The following CZIB variants were observed in gnomAD, a reference collection of about 807,000 sequenced individuals.
CZIB encodes the protein CXXC motif containing zinc binding protein.
A neutral mutation model predicts 28.3 loss-of-function variants in CZIB; 26 were observed. That is an observed-to-expected ratio of 0.92 (90% CI 0.67 to 1.27). CZIB has a LOEUF of 1.27. Among genes scored for constraint, CZIB ranks in the 50% most tolerant of loss-of-function variants. The pLI is 0.00. For synonymous variants in CZIB, 78 were observed against 71.1 expected, an observed-to-expected ratio of 1.10 and a Z score of -0.49; for missense variants, 179 against 197.3, an observed-to-expected ratio of 0.91 and a Z score of 0.56.
chr1:53,214,951 C>T (rs1324142468), intron 7 of CZIB, among the ~76,000 whole-genome samples: 3 of 152,112 alleles, frequency 2.0e-5, no homozygotes, highest in African/African-American at 7.2e-5. Flanking sequence ...GTCCCTTCTC[C>T]GAGTCCTGTC....
rs1324797933 is a variant in CZIB at position 53,216,005 on chromosome 1, T to G, written c.391A>C (p.Asn131His). 3.1e-6 allele frequency: 5 copies of G among 1,613,948 alleles called. No homozygotes were observed. In the African/African-American group the frequency reaches 6.7e-5, roughly 22 times the overall value. Reference protein sequence around the residue: ...VESGTAFSDINLQEKDWTDYD... With the variant: ...VESGTAFSDIHLQEKDWTDYD... ...AAGTCTCATACCTTCTCCTGCAGAT[T>G]AATGTCACTGAAGGCTGTCCCTGAC... Residue 131 changes from asparagine to histidine, a missense_variant, in exon 7 of 8, where the codon AAT (asparagine) becomes CAT (histidine). Physicochemically the swap from Asn to His is moderately conservative, Grantham distance 68 (BLOSUM62 1). Coordinates refer to ENST00000294360, the MANE Select transcript of CZIB (RefSeq NM_017887.3).
At chr1:53,216,945 C>G in intron 5 of CZIB, 86 bp from the exon 6 acceptor site, 12 of 1,150,854 alleles carry the variant, frequency 1.0e-5, no homozygotes, top group African/African-American at 1.5e-5. Flanking sequence ...CAAATGGGCA[C>G]TTACTGCCCC....
intron 6 of CZIB, 48 bp downstream of exon 6, chr1:53,216,730 TCATA>T (rs1176812687): frequency 3.3e-6 from 5 of 1,523,668 alleles, no homozygotes; most frequent in Non-Finnish European, 4.6e-6. Flanking sequence ...GGCTGTCACT[TCATA>T]CATCCCCTCC....
chr1:53,217,146 TA>T, intron 5 of CZIB: 1 of 354,356 alleles, frequency 2.8e-6, no homozygotes, highest in Admixed American at 4.3e-5. Flanking sequence ...CCAAGATTCC[TA>T]AACTGTCAAA....
rs775591198 is a variant in CZIB, at chr1:53,220,291, G to A, written c.60C>T (p.Pro20=). The A allele has an allele frequency of 6.8e-6, 11 of 1,613,442 alleles. No homozygotes were observed. The highest frequency in any genetic ancestry group is 1.3e-5 in the African/African-American group (1 of 74,908). Residue 20 remains proline, a synonymous_variant, in exon 2 of 8, where the codon CCC becomes CCT. Transcript: ENST00000294360. ...GGTACCACCGGAAGTCCTCGCCCACGGGCCGGAGGTTGGTGATGTTCTCCA... is the reference window on the plus strand; with the variant it reads ...GGTACCACCGGAAGTCCTCGCCCACAGGCCGGAGGTTGGTGATGTTCTCCA... The part of the protein sequence containing the change: ...ATLENITNLR[P]VGEDFRWYLK...
intron 6 of CZIB, among the ~76,000 whole-genome samples, 161 bp from the exon 7 acceptor site, chr1:53,216,217 C>T (rs189390940): frequency 3.2e-3 from 485 of 152,282 alleles, no homozygotes; most frequent in African/African-American, 0.011. Context: ...TTCCAGGACC[C>T]GGCAGCTGCC....
chr1:53,218,070 A>G, intron 5 of CZIB, 102 bp downstream of exon 5: 1 of 1,229,858 alleles, frequency 8.1e-7, no homozygotes, highest in Non-Finnish European at 1.2e-6. Context: ...TGAATGTCCT[A>G]TGGCAGGTCA....
Position 53,220,314 on chromosome 1 carries a change from C to T in CZIB, c.37G>A (p.Glu13Lys). The T allele has an allele frequency of 1.2e-6, 2 of 1,613,600 alleles. No individual in the cohort carries two copies. Among genetic ancestry groups the T allele is most frequent in the Admixed American group, 3.3e-5 (2 of 60,032 alleles). ...ACGGGCCGGAGGTTGGTGATGTTCT[C>T]CAGCGTGGCTTTGAGTTGCAGCGCG... ...KIALQLKATL[E>K]NITNLRPVGE... The change falls in exon 2 of 8, where the codon GAG (glutamate) becomes AAG (lysine). Residue 13 changes from glutamate to lysine, a missense_variant. By Grantham distance (56) the Glu-to-Lys change is moderately conservative (BLOSUM62 1). Transcript: ENST00000294360.
intron 6 of CZIB, among the ~76,000 whole-genome samples, chr1:53,216,362 T>C (rs115668369): frequency 2.2e-3 from 341 of 152,334 alleles, no homozygotes; most frequent in African/African-American, 7.8e-3. Flanking sequence ...ACCTTAGTTA[T>C]TGATAAAACG....
intron 1 of CZIB, 48 bp downstream of exon 1, chr1:53,220,522 C>T (rs1439903741): frequency 6.2e-7 from 1 of 1,600,258 alleles, no homozygotes; most frequent in Non-Finnish European, 8.5e-7. Flanking sequence ...CCTCCCAGAC[C>T]CTCGCCACCT....
At chr1:53,217,973 A>G (rs1334408042) in intron 5 of CZIB, 199 bp downstream of exon 5, 5 of 620,294 alleles carry the variant, frequency 8.1e-6, no homozygotes, top group African/African-American at 5.6e-5. Context: ...CCCAGCCCTC[A>G]TAAGAAGGCA....
At chr1:53,217,964 C>G in intron 5 of CZIB, 1 of 602,866 alleles carries the variant, frequency 1.7e-6, no homozygotes, top group South Asian at 2.1e-5. Context: ...CTCTCACAGC[C>G]CAGCCCTCAT....
At position 53,218,866 on chromosome 1, in the gene CZIB, C is replaced by T. The variant is rs779877871; in HGVS notation, c.147+1G>A. The T allele has an allele frequency of 1.9e-5, 30 of 1,612,232 alleles. No homozygotes were observed. Among genetic ancestry groups the T allele is most frequent in the Non-Finnish European group, 2.1e-5 (25 of 1,178,664 alleles). ...TTGGGGGTTGGGCGGGGAACAGTTA[C>T]CATCAGCCGGATGTACTGCCACTTG... On this transcript the variant is annotated splice_donor_variant, in intron 3 of 7. Transcript: ENST00000294360. LOFTEE classifies it high-confidence loss of function.
intron 7 of CZIB, among the ~76,000 whole-genome samples, chr1:53,215,326 T>C (rs1448733571): frequency 6.6e-6 from 1 of 152,036 alleles, no homozygotes; most frequent in African/African-American, 2.4e-5. Flanking sequence ...GGCGACAGAG[T>C]GAGATTGTCT....
chr1:53,214,279 A>G lies in CZIB; in HGVS notation c.*380T>C. The G allele has an allele frequency of 5.2e-6, 1 of 192,782 alleles. No homozygotes were observed. Among genetic ancestry groups the G allele is most frequent in the Admixed American group, 5.4e-5 (1 of 18,372 alleles). 11.9% of individuals were successfully genotyped at this position (192,782 alleles called of 1,614,324 possible). Reference sequence around the variant, plus strand: ...AGCAAGTTCAGTAAGTTCAGGTAACAGTACGTCACCATTGGCTTCTGGCTC... The same window carrying G: ...AGCAAGTTCAGTAAGTTCAGGTAACGGTACGTCACCATTGGCTTCTGGCTC... On this transcript the variant is annotated 3_prime_UTR_variant, in exon 8 of 8. Transcript: ENST00000294360.
chr1:53,220,423 C>G lies in CZIB; in HGVS notation c.7-79G>C, dbSNP rs1572392161. The G allele has an allele frequency of 3.8e-6, 6 of 1,579,466 alleles. No homozygotes were observed. The East Asian group carries it at 1.1e-4, about 29-fold the overall frequency. On this transcript the variant is annotated intron_variant, in intron 1 of 7. Coordinates refer to ENST00000294360, the MANE Select transcript of CZIB (RefSeq NM_017887.3). ...CTGCCCGACCCTCCCGCATTCCCAGCCGTGGGTGCCACAGGGAGACACTCC... is the reference window on the plus strand; with the variant it reads ...CTGCCCGACCCTCCCGCATTCCCAGGCGTGGGTGCCACAGGGAGACACTCC...
intron 2 of CZIB, 53 bp downstream of exon 2, chr1:53,220,208 C>A (rs1285459748): frequency 2.7e-6 from 4 of 1,485,160 alleles, no homozygotes; most frequent in South Asian, 1.1e-5. Flanking sequence ...GGCTCCGGTT[C>A]AGCACTGAGA....
chr1:53,220,496 C>G, intron 1 of CZIB, 74 bp downstream of exon 1: 1 of 1,596,594 alleles, frequency 6.3e-7, no homozygotes, highest in Non-Finnish European at 8.5e-7. Flanking sequence ...TCATCTCCTC[C>G]TGGCGCGAGC....
chr1:53,218,689 A>C, intron 3 of CZIB, 178 bp downstream of exon 3: 2 of 793,116 alleles, frequency 2.5e-6, no homozygotes, highest in Non-Finnish European at 4.1e-6. Flanking sequence ...ACTCTGCCTC[A>C]TACCTCAAAG....
Sources: gnomAD v4.1 joint callset for allele counts (sites outside exome capture counted in the v4.1 genomes callset) on GRCh38, gnomAD v4.1.1 for gene constraint, MANE v1.5 for transcripts, NCBI Gene and HGNC (gene_info 2026-07-23, HGNC 2026-07-21) for gene names.